RPRD1A: variants seen among roughly 807,000 people sequenced by gnomAD.
RPRD1A encodes the protein regulation of nuclear pre-mRNA domain containing 1A.
RPRD1A carries 9 observed loss-of-function variants against 37.8 expected under a neutral mutation model. The observed-to-expected ratio is 0.24, with a 90% confidence interval of 0.14 to 0.42. The LOEUF is 0.42. Ranked by LOEUF, RPRD1A falls within the 10% of genes least tolerant of loss-of-function variation. RPRD1A has a pLI of 1.00. For synonymous variants in RPRD1A, 138 were observed against 139.7 expected (o/e 0.99, Z 0.08); for missense variants, 255 against 371.0 (o/e 0.69, Z 2.57).
rs138334302 is a variant in RPRD1A, at chr18:36,005,351, AAAAAG to A, written c.790-12056_790-12052del. On this transcript the variant is annotated intron_variant, in intron 6 of 6. Transcript: ENST00000399022. Reference sequence around the variant, plus strand: ...GCATATTTGCAACTATTTAAAACAAAAAAAGAAAACATAATGAAACAAAATATATG... The same window carrying A: ...GCATATTTGCAACTATTTAAAACAAAAAAACATAATGAAACAAAATATATG... Among the ~76,000 whole-genome samples, 208 of 152,230 alleles carry A rather than the reference AAAAAG, an allele frequency of 1.4e-3. 3 individuals are homozygous for A. The East Asian group carries it at 0.024, about 17-fold the overall frequency.
In RPRD1A at chr18:35,992,987, A is replaced by G; in HGVS notation, c.*164T>C. Reference sequence around the variant, plus strand: ...ATTAAGTCATGTTAATTTACCAATAAAATAGTAAACAAACCAACATTTTAA... The same window carrying G: ...ATTAAGTCATGTTAATTTACCAATAGAATAGTAAACAAACCAACATTTTAA... On this transcript the variant is annotated 3_prime_UTR_variant, in exon 7 of 7. Transcript: ENST00000399022. The G allele has an allele frequency of 1.9e-6, 1 of 515,602 alleles. No homozygotes were observed. Among genetic ancestry groups the G allele is most frequent in the Non-Finnish European group, 3.1e-6 (1 of 320,270 alleles). The allele number at this position is 515,602 out of a possible 1,614,324, so 31.9% of individuals were successfully genotyped here.
chr18:35,994,767 TATAA>T (rs1408024658), intron 6 of RPRD1A, among the ~76,000 whole-genome samples: 17 of 152,338 alleles, frequency 1.1e-4, no homozygotes, highest in South Asian at 8.3e-4. Flanking sequence ...CTTAGGTTTA[TATAA>T]ATAATCTACA....
At chr18:36,015,205 T>C (rs199795544) in intron 6 of RPRD1A, among the ~76,000 whole-genome samples, 1,542 of 74,356 alleles carry the variant, frequency 0.021, 31 homozygotes, top group African/African-American at 0.065. Flanking sequence ...CACACACACA[T>C]TCACATACTT....
intron 1 of RPRD1A, among the ~76,000 whole-genome samples, chr18:36,039,812 T>G (rs1912456291): frequency 6.6e-6 from 1 of 152,090 alleles, no homozygotes; most frequent in Non-Finnish European, 1.5e-5. Flanking sequence ...GGAAACCTTC[T>G]ACATGGAAAG....
intron 6 of RPRD1A, among the ~76,000 whole-genome samples, chr18:36,024,574 T>A (rs1157376967): frequency 6.6e-6 from 1 of 152,192 alleles, no homozygotes; most frequent in Non-Finnish European, 1.5e-5. Flanking sequence ...CATGCTTTAA[T>A]AATGGCTTCC....
intron 1 of RPRD1A, among the ~76,000 whole-genome samples, chr18:36,061,145 C>T (rs749115393): frequency 8.5e-5 from 13 of 152,114 alleles, no homozygotes; most frequent in Non-Finnish European, 1.5e-4. Flanking sequence ...TTAAACGTCA[C>T]CTTGCAGAGA....
At chr18:35,993,382 C>T (rs891537119) in intron 6 of RPRD1A, 82 bp from the exon 7 acceptor site, 36 of 1,371,496 alleles carry the variant, frequency 2.6e-5, no homozygotes, top group Non-Finnish European at 3.6e-5. Context: ...AACCCAGGTA[C>T]TATATATACT....
intron 1 of RPRD1A, among the ~76,000 whole-genome samples, chr18:36,044,133 T>C (rs113601573): frequency 0.061 from 9,330 of 152,162 alleles, 307 homozygotes; most frequent in Non-Finnish European, 0.082. Flanking sequence ...TAATGTTGAA[T>C]AGGCTAAGGA....
intron 1 of RPRD1A, among the ~76,000 whole-genome samples, chr18:36,037,453 C>T (rs2033355146): frequency 6.6e-6 from 1 of 152,206 alleles, no homozygotes; most frequent in Admixed American, 6.5e-5. Flanking sequence ...TTCCTGAGGT[C>T]TCCCCAGCCC....
At chr18:36,029,624 TAAAAAA>T (rs79491198) in intron 4 of RPRD1A, among the ~76,000 whole-genome samples, 1 of 113,078 alleles carries the variant, frequency 8.8e-6, no homozygotes, top group Non-Finnish European at 1.9e-5. Context: ...AATGCCCACT[TAAAAAA>T]AAAAAAAAAA....
chr18:36,066,563 T>C (rs2089035262), intron 1 of RPRD1A, among the ~76,000 whole-genome samples: 1 of 152,206 alleles, frequency 6.6e-6, no homozygotes, highest in South Asian at 2.1e-4. Flanking sequence ...GTGACAGACA[T>C]CTCAAAAAAG....
chr18:36,014,595 T>C (rs1427610215), intron 6 of RPRD1A, among the ~76,000 whole-genome samples: 1 of 151,988 alleles, frequency 6.6e-6, no homozygotes, highest in Non-Finnish European at 1.5e-5. Context: ...AAAAAACAAT[T>C]AGCCGGGTGT....
At chr18:36,021,101 T>C (rs889034808) in intron 6 of RPRD1A, among the ~76,000 whole-genome samples, 2 of 152,212 alleles carry the variant, frequency 1.3e-5, no homozygotes, top group Non-Finnish European at 2.9e-5. Flanking sequence ...CTCAAAAATA[T>C]AAATTAAGAA....
At chr18:36,040,858 C>T in intron 1 of RPRD1A, 3 of 1,518,008 alleles carry the variant, frequency 2.0e-6, no homozygotes, top group Non-Finnish European at 2.6e-6. Context: ...ATTTGTTGCA[C>T]CTCCACTCTA....
At chr18:36,003,901 T>C (rs1422778994) in intron 6 of RPRD1A, among the ~76,000 whole-genome samples, 1 of 151,894 alleles carries the variant, frequency 6.6e-6, no homozygotes, top group Non-Finnish European at 1.5e-5. Flanking sequence ...TGGGCTCCAG[T>C]GATCCTCCCA....
intron 1 of RPRD1A, among the ~76,000 whole-genome samples, chr18:36,049,364 C>T (rs566413682): frequency 2.0e-5 from 3 of 152,272 alleles, no homozygotes; most frequent in Admixed American, 6.5e-5. Context: ...CAGTTGACTT[C>T]TGAATAACAC....
intron 1 of RPRD1A, among the ~76,000 whole-genome samples, chr18:36,041,229 G>A (rs998218770): frequency 2.0e-5 from 3 of 151,934 alleles, no homozygotes; most frequent in Non-Finnish European, 2.9e-5. Flanking sequence ...TAATCCCCAC[G>A]TATCTCTCCT....
chr18:36,009,153 A>G (rs1251042960), intron 6 of RPRD1A, among the ~76,000 whole-genome samples: 1 of 152,112 alleles, frequency 6.6e-6, no homozygotes, highest in African/African-American at 2.4e-5. Flanking sequence ...TGGTTCAACC[A>G]CCTTTACTTA....
intron 1 of RPRD1A, among the ~76,000 whole-genome samples, chr18:36,053,184 T>A (rs1255840192): frequency 6.6e-6 from 1 of 152,148 alleles, no homozygotes; most frequent in African/African-American, 2.4e-5. Context: ...CTGAAATGAA[T>A]CTCACATACC....
Sources: allele counts gnomAD v4.1 joint callset (sites outside exome capture counted in the v4.1 genomes callset), GRCh38; gene constraint gnomAD v4.1.1; transcripts MANE v1.5; gene names NCBI Gene and HGNC (gene_info 2026-07-23, HGNC 2026-07-21).